The following APLP2 variants were observed in gnomAD, a reference collection of about 807,000 sequenced individuals.
The protein encoded by APLP2 is amyloid beta precursor like protein 2.
Under a neutral mutation model 89.9 loss-of-function variants are expected in APLP2, and 53 were observed. The ratio of observed to expected loss-of-function variants is 0.59; its 90% CI spans 0.47 to 0.74. The LOEUF is 0.74. Ranked by LOEUF, APLP2 falls within the 30% of genes least tolerant of loss-of-function variation. The pLI is 0.00. For missense variants in APLP2, 973 were observed against 975.9 expected (o/e 1.00, Z 0.04); for synonymous variants, 372 against 348.6 (o/e 1.07, Z -0.75).
At chr11:130,089,271 T>C (rs769266510) in intron 1 of APLP2, among the ~76,000 whole-genome samples, 3 of 152,220 alleles carry the variant, frequency 2.0e-5, no homozygotes, top group Non-Finnish European at 4.4e-5. Context: ...CTTTCTATAC[T>C]TCATCTTTCC....
intron 1 of APLP2, among the ~76,000 whole-genome samples, chr11:130,090,261 TTTTTTTTA>T (rs1212083232): frequency 6.8e-6 from 1 of 147,968 alleles, no homozygotes; most frequent in African/African-American, 2.6e-5. Flanking sequence ...TTTTTTTTTT[TTTTTTTTA>T]AATTTATTTT....
Position 130,110,673 on chromosome 11 carries a change from TG to T in APLP2, c.403+14del. The T allele has an allele frequency of 6.2e-7, 1 of 1,600,136 alleles. No homozygotes were observed. The highest frequency in any genetic ancestry group is 1.8e-5 in the Admixed American group (1 of 55,094). On this transcript the variant is annotated intron_variant, in intron 3 of 16. Coordinates refer to ENST00000338167, the MANE Select transcript of APLP2 (RefSeq NM_001142276.2). The stretch of plus-strand genomic sequence containing the variant: ...TTTCAAGTGTCTCGGTGAGTGTTCT[TG>T]GTTACTTTTCAGGAAGTGCCAGCCC...
chr11:130,090,453 T>G (rs140012651), intron 1 of APLP2, among the ~76,000 whole-genome samples: 25,670 of 123,518 alleles, frequency 0.21, 1,091 homozygotes, highest in East Asian at 0.27. Flanking sequence ...AGATTAGGGA[T>G]TGGTGATGAC....
At chr11:130,117,136 A>C (rs1949282465) in intron 3 of APLP2, among the ~76,000 whole-genome samples, 1 of 152,170 alleles carries the variant, frequency 6.6e-6, no homozygotes, top group Non-Finnish European at 1.5e-5. Flanking sequence ...ATCTTAAAAA[A>C]AAAAGTTAAA....
At chr11:130,112,849 C>G (rs1162475179) in intron 3 of APLP2, among the ~76,000 whole-genome samples, 2 of 152,192 alleles carry the variant, frequency 1.3e-5, no homozygotes. Context: ...CTCCCCTGTT[C>G]TCTGTGATGT....
chr11:130,079,218 C>A (rs2135388209), intron 1 of APLP2, among the ~76,000 whole-genome samples: 1 of 152,174 alleles, frequency 6.6e-6, no homozygotes, highest in African/African-American at 2.4e-5. Flanking sequence ...TCTGCCTCAG[C>A]CTTCTGAGTA....
chr11:130,101,173 TTTG>T (rs907596708), intron 1 of APLP2, among the ~76,000 whole-genome samples: 49 of 152,072 alleles, frequency 3.2e-4, no homozygotes, highest in East Asian at 1.3e-3. Context: ...ACCCGTGTGT[TTTG>T]TTGTTGTTGT....
At position 130,129,190 on chromosome 11, in the gene APLP2, A is replaced by C. The variant is rs752003824; in HGVS notation, c.1439A>C (p.Gln480Pro). The change falls in exon 10 of 17, where the codon CAG (glutamine) becomes CCG (proline). Residue 480 changes from glutamine to proline, a missense_variant. Gln to Pro is a moderately conservative substitution (Grantham distance 76). Coordinates refer to ENST00000338167, the MANE Select transcript of APLP2 (RefSeq NM_001142276.2). ...MALENYLAAL[Q>P]SDPPRPHRIL... Reference sequence around the variant, plus strand: ...CTGGAGAACTACCTGGCTGCCTTGCAGTCTGACCCGCCACGGGTGAGTCCT... The same window carrying C: ...CTGGAGAACTACCTGGCTGCCTTGCCGTCTGACCCGCCACGGGTGAGTCCT... 24 of 1,612,408 alleles carry C rather than the reference A, an allele frequency of 1.5e-5. No individual in the cohort carries two copies.
chr11:130,080,633 T>C (rs1270874282), intron 1 of APLP2, among the ~76,000 whole-genome samples: 1 of 151,986 alleles, frequency 6.6e-6, no homozygotes, highest in African/African-American at 2.4e-5. Context: ...TTACTGTAAG[T>C]TCCTGGACTG....
At position 130,069,990 on chromosome 11, in the gene APLP2, G is replaced by C; in HGVS notation, c.13G>C (p.Gly5Arg). The part of the protein sequence containing the change: MAAT[G>R]TAAAAATGRL... ...GACCCGGCGAGGGATGGCGGCCACC[G>C]GGACCGCGGCCGCCGCAGCCACGGG... is the stretch of plus-strand genomic sequence containing the variant. Residue 5 changes from glycine (G) to arginine (R), a missense_variant, in exon 1 of 17, where the codon GGG (glycine) becomes CGG (arginine). Physicochemically the swap from Gly to Arg is moderately radical, Grantham distance 125 (BLOSUM62 -2). Coordinates refer to ENST00000338167, the MANE Select transcript of APLP2 (RefSeq NM_001142276.2). 6 of 1,503,742 alleles carry C rather than the reference G, an allele frequency of 4.0e-6. No individual in the cohort carries two copies. The highest frequency in any genetic ancestry group is 5.3e-6 in the Non-Finnish European group (6 of 1,131,028). The allele number at this position is 1,503,742 out of a possible 1,614,324, so 93.1% of individuals were successfully genotyped here.
chr11:130,103,635 A>C (rs552983059), intron 1 of APLP2, among the ~76,000 whole-genome samples: 1 of 152,230 alleles, frequency 6.6e-6, no homozygotes, highest in African/African-American at 2.4e-5. Context: ...CATAATGAGT[A>C]ACATGTGGAA....
intron 1 of APLP2, among the ~76,000 whole-genome samples, chr11:130,073,353 A>G (rs1326871583): frequency 1.3e-5 from 2 of 152,204 alleles, no homozygotes; most frequent in African/African-American, 4.8e-5. Flanking sequence ...TTTCTGTTAG[A>G]TGGTGCTGAT....
At chr11:130,113,373 A>G (rs535602915) in intron 3 of APLP2, among the ~76,000 whole-genome samples, 2 of 152,368 alleles carry the variant, frequency 1.3e-5, no homozygotes, top group East Asian at 1.9e-4. Flanking sequence ...CAGTTTAACC[A>G]TAATCCATTT....
intron 13 of APLP2, chr11:130,137,372 C>A: frequency 1.5e-6 from 2 of 1,321,432 alleles, no homozygotes; most frequent in South Asian, 1.2e-5. Flanking sequence ...TGTTCTGTTT[C>A]ATGCCATCAC....
At chr11:130,086,205 C>T (rs10750427) in intron 1 of APLP2, among the ~76,000 whole-genome samples, 33,609 of 152,188 alleles carry the variant, frequency 0.22, 5,187 homozygotes, top group East Asian at 0.43. Context: ...CCAACAGTTA[C>T]TTTCCTTTTT....
intron 1 of APLP2, among the ~76,000 whole-genome samples, chr11:130,073,533 A>T (rs1941528794): frequency 6.6e-6 from 1 of 152,212 alleles, no homozygotes; most frequent in South Asian, 2.1e-4. Flanking sequence ...TTTCAATTAA[A>T]AATGTTTTAC....
At chr11:130,136,002 G>T (rs896797814) in intron 13 of APLP2, among the ~76,000 whole-genome samples, 2 of 152,310 alleles carry the variant, frequency 1.3e-5, no homozygotes, top group African/African-American at 2.4e-5. Context: ...TTACATGGGG[G>T]AGGCACTTGG....
intron 1 of APLP2, among the ~76,000 whole-genome samples, chr11:130,090,389 T>C (rs1257214728): frequency 6.7e-6 from 1 of 149,060 alleles, no homozygotes; most frequent in Non-Finnish European, 1.5e-5. Context: ...TCTCTGGTTT[T>C]CCTAGGCAGA....
At chr11:130,091,458 T>C (rs1221372977) in intron 1 of APLP2, among the ~76,000 whole-genome samples, 3,084 of 83,126 alleles carry the variant, frequency 0.037, no homozygotes, top group Middle Eastern at 0.049. Flanking sequence ...GAGGCGCCCC[T>C]CACCTCCCAG....
Sources: allele counts gnomAD v4.1 joint callset (sites outside exome capture counted in the v4.1 genomes callset), GRCh38; gene constraint gnomAD v4.1.1; transcripts MANE v1.5; gene names NCBI Gene and HGNC (gene_info 2026-07-23, HGNC 2026-07-21).